The following CEACAM21 variants were observed in gnomAD, a reference collection of about 807,000 sequenced individuals.
CEACAM21 encodes the protein cell adhesion molecule CEACAM21.
CEACAM21 carries 38 observed loss-of-function variants against 33.2 expected under a neutral mutation model. The observed-to-expected ratio is 1.14, with a 90% CI of 0.88 to 1.50. The LOEUF is 1.50. CEACAM21 is among the 40% of genes most tolerant of loss of function. The probability of loss-of-function intolerance (pLI) is 0.00; values close to 1 mark genes in which losing one functional copy is unlikely to be tolerated. For missense variants in CEACAM21, 385 were observed against 364.6 expected (o/e 1.06, Z -0.46); for synonymous variants, 156 against 143.0 (o/e 1.09, Z -0.65).
At chr19:41,560,427 G>A (rs2041811982) in intron 1 of CEACAM21, among the ~76,000 whole-genome samples, 1 of 152,030 alleles carries the variant, frequency 6.6e-6, no homozygotes, top group Admixed American at 6.6e-5. Context: ...TCACTATTTT[G>A]CCCAGACTGG....
chr19:41,580,343 A>G (rs2122258119), intron 3 of CEACAM21, among the ~76,000 whole-genome samples: 1 of 152,166 alleles, frequency 6.6e-6, no homozygotes, highest in South Asian at 2.1e-4. Context: ...CCCAGCAGCC[A>G]ATCAGTTCTG....
intron 2 of CEACAM21, among the ~76,000 whole-genome samples, chr19:41,569,514 G>A (rs10415860): frequency 0.075 from 11,461 of 152,128 alleles, 848 homozygotes; most frequent in East Asian, 0.36. Context: ...ATTGCGGGGG[G>A]CGGGTTGGGG....
intron 1 of CEACAM21, among the ~76,000 whole-genome samples, chr19:41,559,770 A>G (rs1217217659): frequency 1.3e-5 from 2 of 152,184 alleles, no homozygotes; most frequent in African/African-American, 4.8e-5. Flanking sequence ...CATTAGATAA[A>G]ATGGATGAAC....
intron 2 of CEACAM21, among the ~76,000 whole-genome samples, chr19:41,566,898 G>A (rs899816908): frequency 6.6e-6 from 1 of 152,054 alleles, no homozygotes. Context: ...TACATTTATC[G>A]AGATAGTTGT....
At chr19:41,578,222 C>G (rs1391824442) in intron 2 of CEACAM21, among the ~76,000 whole-genome samples, 1 of 151,996 alleles carries the variant, frequency 6.6e-6, no homozygotes, top group African/African-American at 2.4e-5. Context: ...CCGGGAAGTG[C>G]ACTGTCCTCA....
intron 1 of CEACAM21, among the ~76,000 whole-genome samples, chr19:41,576,908 T>A (rs1555791252): frequency 6.6e-6 from 1 of 152,176 alleles, no homozygotes; most frequent in Non-Finnish European, 1.5e-5. Flanking sequence ...CCAGGGTCTC[T>A]AGAGGAGGCT....
intron 1 of CEACAM21, among the ~76,000 whole-genome samples, chr19:41,557,864 G>A (rs1293696751): frequency 2.6e-5 from 4 of 152,176 alleles, no homozygotes; most frequent in Admixed American, 2.6e-4. Context: ...GGTGTGTAAG[G>A]TAGATGCTAT....
intron 1 of CEACAM21, chr19:41,551,650 T>G (rs2041209626): frequency 6.7e-6 from 1 of 150,178 alleles, no homozygotes; most frequent in Admixed American, 6.6e-5. Context: ...GAACTTGGGG[T>G]TTGAGTCCTG....
intron 2 of CEACAM21, among the ~76,000 whole-genome samples, chr19:41,565,963 G>A (rs556889200): frequency 0.022 from 3,296 of 148,880 alleles, 88 homozygotes; most frequent in African/African-American, 0.077. Context: ...TGCTTTTTGG[G>A]GGGGCGGGGG....
At chr19:41,567,820 T>C (rs2042360581) in intron 2 of CEACAM21, among the ~76,000 whole-genome samples, 1 of 151,578 alleles carries the variant, frequency 6.6e-6, no homozygotes, top group Non-Finnish European at 1.5e-5. Context: ...GGGAAGATGG[T>C]GGGTCCCAGT....
At chr19:41,562,859 G>A (rs968022736) in intron 1 of CEACAM21, among the ~76,000 whole-genome samples, 1 of 152,072 alleles carries the variant, frequency 6.6e-6, no homozygotes, top group Non-Finnish European at 1.5e-5. Context: ...CTCCCAAGTA[G>A]CTGGGACTAC....
rs782147485 is a variant in CEACAM21 at position 41,579,495 on chromosome 19, G to A, written c.567G>A (p.Arg189=). 1.2e-6 allele frequency: 2 copies of A among 1,613,850 alleles called. No individual in the cohort carries two copies. Among genetic ancestry groups the A allele is most frequent in the Admixed American group, 3.3e-5 (2 of 59,996 alleles). Reference sequence around the variant, plus strand: ...ACCAGCGTCTGCAGGTCACGAAGAGGATGAAGCTGTCCTGGTTTAACCATG... The same window carrying A: ...ACCAGCGTCTGCAGGTCACGAAGAGAATGAAGCTGTCCTGGTTTAACCATG... ...FNNQRLQVTK[R]MKLSWFNHVL... is the part of the protein sequence containing the mutation. Residue 189 remains arginine, a synonymous_variant, in exon 3 of 7, where the codon AGG becomes AGA. Coordinates refer to ENST00000401445, the MANE Select transcript of CEACAM21 (RefSeq NM_001098506.4).
Position 41,580,225 on chromosome 19 carries a change from G to A in CEACAM21, c.700+597G>A, listed in dbSNP as rs542255991. On this transcript the variant is annotated intron_variant, in intron 3 of 6. Coordinates refer to ENST00000401445, the MANE Select transcript of CEACAM21 (RefSeq NM_001098506.4). ...TGGCAGATGGGATTCCACCCTGTTT[G>A]GAAAAACTCAAACTGTGTTTTTCCT... Among the ~76,000 whole-genome samples the A allele has an allele frequency of 4.6e-5, 7 of 152,008 alleles. No homozygotes were observed. In the South Asian group the frequency reaches 1.5e-3, roughly 32 times the overall value.
chr19:41,552,110 A>T (rs2041246977), intron 1 of CEACAM21: 1 of 152,208 alleles, frequency 6.6e-6, no homozygotes, highest in Non-Finnish European at 1.5e-5. Context: ...ATGTATGTCT[A>T]CGTGTCAGTG....
chr19:41,586,136 C>A, intron 6 of CEACAM21: 2 of 601,180 alleles, frequency 3.3e-6, no homozygotes, highest in East Asian at 2.8e-5. Flanking sequence ...CCCTGACACC[C>A]CTCTCTCCCC....
chr19:41,580,117 G>A (rs1026261870), intron 3 of CEACAM21, among the ~76,000 whole-genome samples: 2 of 152,130 alleles, frequency 1.3e-5, no homozygotes, highest in Non-Finnish European at 1.5e-5. Context: ...CTTAATTGAA[G>A]TACTGAATCT....
At chr19:41,585,345 C>G in intron 4 of CEACAM21, 98 bp from the exon 5 acceptor site, 2 of 1,278,476 alleles carry the variant, frequency 1.6e-6, no homozygotes, top group Non-Finnish European at 2.3e-6. Flanking sequence ...GGTCTCCATA[C>G]CCCTCTTGGA....
intron 1 of CEACAM21, chr19:41,550,399 G>GATT (rs1262367618): frequency 6.6e-6 from 1 of 152,222 alleles, no homozygotes; most frequent in Non-Finnish European, 1.5e-5. Context: ...TGAGCAGCAT[G>GATT]AATATGCACA....
At chr19:41,571,262 A>G (rs1555789450), upstream of CEACAM21, among the ~76,000 whole-genome samples, 1 of 152,254 alleles carries the variant, frequency 6.6e-6, no homozygotes, top group African/African-American at 2.4e-5. Flanking sequence ...GTGTGGGAAG[A>G]GTAGAAACTT....
Sources: gnomAD v4.1 joint callset for allele counts (sites outside exome capture counted in the v4.1 genomes callset) on GRCh38, gnomAD v4.1.1 for gene constraint, MANE v1.5 for transcripts, NCBI Gene and HGNC (gene_info 2026-07-23, HGNC 2026-07-21) for gene names.